The following GREB1L variants were observed in gnomAD, a reference collection of about 807,000 sequenced individuals.
GREB1L encodes GREB1 like retinoic acid receptor coactivator.
Under a neutral mutation model 200.8 loss-of-function variants are expected in GREB1L, and 17 were observed. That is an observed-to-expected ratio of 0.08 (90% CI 0.06 to 0.13). The LOEUF is 0.13. Among genes scored for constraint, GREB1L ranks in the 10% least tolerant of loss-of-function variants. The pLI is 1.00. For missense variants in GREB1L, 1,657 were observed against 2,367.7 expected, an observed-to-expected ratio of 0.70 and a Z score of 6.23; for synonymous variants, 789 against 893.0, an observed-to-expected ratio of 0.88 and a Z score of 2.08.
chr18:21,478,630 A>G (rs1187797407), intron 17 of GREB1L, among the ~76,000 whole-genome samples: 2 of 152,190 alleles, frequency 1.3e-5, no homozygotes, highest in Non-Finnish European at 2.9e-5. Flanking sequence ...TTCAGCAGTC[A>G]CTGCCTTATG....
rs2033779990 is a variant in GREB1L at position 21,439,621 on chromosome 18, T to C, written c.933T>C (p.Tyr311=). 6.5e-7 allele frequency: 1 copy of C among 1,548,802 alleles called. No individual in the cohort carries two copies. The highest frequency in any genetic ancestry group is 2.0e-5 in the Admixed American group (1 of 51,012). ...ACTCTTTGTCACCACGACCTAGCTA[T>C]GCATCAGGAGATCAAGGTACAATGC... ...GNYSLSPRPS[Y]ASGDQATMFI... The change falls in exon 8 of 33, where the codon TAT becomes TAC. Residue 311 remains tyrosine, a synonymous_variant. Coordinates refer to ENST00000424526, the MANE Select transcript of GREB1L (RefSeq NM_001142966.3).
intron 11 of GREB1L, among the ~76,000 whole-genome samples, chr18:21,449,297 T>C (rs1426415643): frequency 6.6e-6 from 1 of 152,238 alleles, no homozygotes; most frequent in Non-Finnish European, 1.5e-5. Context: ...AAGCCTGATT[T>C]TTTTTACAAA....
chr18:21,311,322 G>A (rs1176086619), intron 1 of GREB1L, among the ~76,000 whole-genome samples: 2 of 152,234 alleles, frequency 1.3e-5, no homozygotes, highest in Non-Finnish European at 2.9e-5. Flanking sequence ...TATTCTGACA[G>A]TGGTGTTTTT....
intron 4 of GREB1L, among the ~76,000 whole-genome samples, chr18:21,394,938 A>AG (rs1294553654): frequency 6.7e-5 from 10 of 149,116 alleles, no homozygotes; most frequent in African/African-American, 2.2e-4. Context: ...TACTAAAAAA[A>AG]AAAAAAAAAA....
At chr18:21,367,934 G>T (rs560183098) in intron 2 of GREB1L, among the ~76,000 whole-genome samples, 123 of 152,296 alleles carry the variant, frequency 8.1e-4, no homozygotes, top group East Asian at 9.6e-4. Flanking sequence ...CCTTTGAAAG[G>T]TATTAGCCAC....
chr18:21,359,303 A>T (rs148581214), intron 1 of GREB1L, among the ~76,000 whole-genome samples: 32 of 152,258 alleles, frequency 2.1e-4, no homozygotes, highest in African/African-American at 7.7e-4. Flanking sequence ...TACAAAAATT[A>T]GCTGGGCGTG....
intron 1 of GREB1L, among the ~76,000 whole-genome samples, chr18:21,295,491 G>T (rs1408777865): frequency 1.3e-5 from 2 of 152,186 alleles, no homozygotes; most frequent in African/African-American, 4.8e-5. Flanking sequence ...GCTGGAAAGT[G>T]TGCTTTGTGA....
intron 7 of GREB1L, among the ~76,000 whole-genome samples, chr18:21,434,485 G>GTATATATATATATATATATA (rs759371210): frequency 1.9e-5 from 2 of 107,778 alleles, no homozygotes; most frequent in African/African-American, 8.8e-5. Flanking sequence ...AAAAAAAATA[G>GTATATATATATATATATATA]TATATATATA....
At chr18:21,272,426 G>C (rs2038093572) in intron 1 of GREB1L, among the ~76,000 whole-genome samples, 1 of 152,176 alleles carries the variant, frequency 6.6e-6, no homozygotes. Context: ...CACTGCAGTT[G>C]AGTGAAATCT....
chr18:21,252,975 A>G (rs1402073443), intron 1 of GREB1L, among the ~76,000 whole-genome samples: 1 of 152,242 alleles, frequency 6.6e-6, no homozygotes, highest in Non-Finnish European at 1.5e-5. Flanking sequence ...GTCTTAGCTC[A>G]TAAGCCAAAT....
At chr18:21,276,740 G>T (rs888726514) in intron 1 of GREB1L, among the ~76,000 whole-genome samples, 1 of 151,392 alleles carries the variant, frequency 6.6e-6, no homozygotes, top group Non-Finnish European at 1.5e-5. Context: ...TTCATTTCTA[G>T]TCTTTCTATT....
At chr18:21,394,553 A>G (rs776649193) in intron 4 of GREB1L, among the ~76,000 whole-genome samples, 5 of 152,194 alleles carry the variant, frequency 3.3e-5, no homozygotes, top group Non-Finnish European at 7.3e-5. Context: ...ATGATATACA[A>G]AGTGGTTATG....
chr18:21,467,572 A>G (rs1391815951), intron 15 of GREB1L, among the ~76,000 whole-genome samples: 1 of 152,196 alleles, frequency 6.6e-6, no homozygotes, highest in African/African-American at 2.4e-5. Flanking sequence ...TATGACCCAT[A>G]AAAGAGAGGT....
At chr18:21,306,669 G>A (rs1355350144) in intron 1 of GREB1L, among the ~76,000 whole-genome samples, 1 of 152,108 alleles carries the variant, frequency 6.6e-6, no homozygotes, top group East Asian at 1.9e-4. Flanking sequence ...GACTCAGTGT[G>A]GTAAACAGCA....
At chr18:21,472,928 A>G in intron 15 of GREB1L, 103 bp from the exon 16 acceptor site, 1 of 693,732 alleles carries the variant, frequency 1.4e-6, no homozygotes, top group Non-Finnish European at 2.3e-6. Flanking sequence ...CTCTTCATAC[A>G]GTTGGTACCC....
Position 21,278,392 on chromosome 18 carries a change from ATAAAT to A in GREB1L, c.-120+36000_-120+36004del, listed in dbSNP as rs1217822549. On this transcript the variant is annotated intron_variant, in intron 1 of 32. Coordinates refer to ENST00000424526, the MANE Select transcript of GREB1L (RefSeq NM_001142966.3). ...CAAGACTCCATCTCAAAAAAAAAAA[ATAAAT>A]AAATAAATAAATAAATAAATAAATA... Among the ~76,000 whole-genome samples the A allele has an allele frequency of 4.2e-4, 47 of 112,668 alleles. 1 individual carries two copies. Among genetic ancestry groups the A allele is most frequent in the African/African-American group, 7.5e-4 (20 of 26,612 alleles). The allele number at this position is 112,668 out of a possible 152,430, so 73.9% of individuals were successfully genotyped here. A position where few individuals can be genotyped will look rare whatever the true frequency, so the allele number is the denominator to read the frequency against.
chr18:21,249,714 G>A (rs1285736245), intron 1 of GREB1L, among the ~76,000 whole-genome samples: 1 of 151,976 alleles, frequency 6.6e-6, no homozygotes, highest in Non-Finnish European at 1.5e-5. Flanking sequence ...TACAAAATTA[G>A]CCAGGCATCG....
At position 21,258,832 on chromosome 18, in the gene GREB1L, T is replaced by C. The variant is rs140105928; in HGVS notation, c.-120+16439T>C. Among the ~76,000 whole-genome samples the C allele has an allele frequency of 7.0e-4, 107 of 152,334 alleles. No homozygotes were observed. The Middle Eastern group carries it at 0.01, about 15-fold the overall frequency. Reference sequence around the variant, plus strand: ...ATGTACCTATATAATTTAAGTAATATGGGCTTTAAATTTGCCAACAAATAT... The same window carrying C: ...ATGTACCTATATAATTTAAGTAATACGGGCTTTAAATTTGCCAACAAATAT... On this transcript the variant is annotated intron_variant, in intron 1 of 32. Transcript: ENST00000424526.
intron 1 of GREB1L, among the ~76,000 whole-genome samples, chr18:21,280,977 T>C (rs1350212559): frequency 6.6e-6 from 1 of 152,024 alleles, no homozygotes; most frequent in Non-Finnish European, 1.5e-5. Context: ...GGAAAAGAGG[T>C]CTGGAGGTAG....
Sources: allele counts gnomAD v4.1 joint callset (sites outside exome capture counted in the v4.1 genomes callset), GRCh38; gene constraint gnomAD v4.1.1; transcripts MANE v1.5; gene names NCBI Gene and HGNC (gene_info 2026-07-23, HGNC 2026-07-21).